The following RFX6 variants were observed in gnomAD, a reference collection of about 807,000 sequenced individuals.
RFX6 encodes the protein DNA-binding protein RFX6.
In RFX6, 50 loss-of-function variants were observed where a neutral mutation model predicts 110.8. That is an observed-to-expected ratio of 0.45 (90% confidence interval 0.36 to 0.57). RFX6 has a LOEUF of 0.57. Ranked by LOEUF, RFX6 falls within the 20% of genes least tolerant of loss-of-function variation. The probability of loss-of-function intolerance (pLI) is 0.00; values close to 1 mark genes in which losing one functional copy is unlikely to be tolerated. For missense variants in RFX6, 990 were observed against 1,127.0 expected (o/e 0.88, Z 1.74); for synonymous variants, 383 against 411.2 (o/e 0.93, Z 0.83).
chr6:116,880,727 T>A, intron 3 of RFX6, 60 bp downstream of exon 3: 1 of 1,563,836 alleles, frequency 6.4e-7, no homozygotes, highest in Non-Finnish European at 8.8e-7. Flanking sequence ...GCAGATAGCA[T>A]GAAAATGAAT....
At chr6:116,916,548 G>T (rs192665166) in intron 9 of RFX6, among the ~76,000 whole-genome samples, 74 of 151,984 alleles carry the variant, frequency 4.9e-4, no homozygotes, top group African/African-American at 1.7e-3. Flanking sequence ...CTAATAATGA[G>T]TCTATATGTG....
chr6:116,901,292 A>G (rs1431254976), intron 6 of RFX6, among the ~76,000 whole-genome samples: 2 of 152,188 alleles, frequency 1.3e-5, no homozygotes, highest in Non-Finnish European at 2.9e-5. Context: ...ACAGAGAATT[A>G]ATATCTATTA....
Position 116,931,610 on chromosome 6 carries a change from C to G in RFX6, c.*104C>G, listed in dbSNP as rs140455380. 2.4e-6 allele frequency: 2 copies of G among 834,130 alleles called. No homozygotes were observed. The highest frequency in any genetic ancestry group is 3.8e-6 in the Non-Finnish European group (2 of 521,492). The allele number at this position is 834,130 out of a possible 1,614,324, so 51.7% of individuals were successfully genotyped here. A position where few individuals can be genotyped will look rare whatever the true frequency, so the allele number is the denominator to read the frequency against. ...ATAAGAGTAAATAAAAATGAATATG[C>G]AGTGGCTGACATTGTTTTAAAGTCA... is the stretch of plus-strand genomic sequence containing the variant. On this transcript the variant is annotated 3_prime_UTR_variant, in exon 19 of 19. Transcript: ENST00000332958.
Position 116,927,032 on chromosome 6 carries a change from A to G in RFX6, c.1891A>G (p.Met631Val). The change falls in exon 17 of 19, where the codon ATG becomes GTG. Residue 631 changes from methionine to valine, a missense_variant. By Grantham distance (21) the Met-to-Val change is conservative. Around this residue, in one of 5 missense-constraint regions of RFX6, gnomAD observed 438 missense variants for 441.9 expected, o/e 0.99. Coordinates refer to ENST00000332958, the MANE Select transcript of RFX6 (RefSeq NM_173560.4). ...NTDNMPLTGQ[M>V]ELSQIAGHLM... is the part of the protein sequence containing the mutation. ...GTTCTGGTGATTTTTTCCAGGTCAA[A>G]TGGAGCTTTCACAGATTGCTGGTCA... The G allele has an allele frequency of 3.7e-6, 6 of 1,613,726 alleles. No homozygotes were observed. The highest frequency in any genetic ancestry group is 2.2e-5 in the East Asian group (1 of 44,886).
At chr6:116,925,072 C>CA (rs1316123699) in intron 15 of RFX6, among the ~76,000 whole-genome samples, 1 of 152,030 alleles carries the variant, frequency 6.6e-6, no homozygotes, top group African/African-American at 2.4e-5. Flanking sequence ...GACTATAATA[C>CA]AAAAAATAAC....
intron 4 of RFX6, among the ~76,000 whole-genome samples, chr6:116,883,877 T>C (rs1209571015): frequency 6.6e-6 from 1 of 152,204 alleles, no homozygotes; most frequent in Non-Finnish European, 1.5e-5. Context: ...CTTTTAAAGT[T>C]GAGATTCAAT....
At chr6:116,927,603 G>A in intron 17 of RFX6, 64 bp downstream of exon 17, 1 of 1,328,038 alleles carries the variant, frequency 7.5e-7, no homozygotes, top group East Asian at 2.3e-5. Context: ...ATCAGACATT[G>A]CGTTCCACCT....
At chr6:116,893,893 C>T in intron 4 of RFX6, 94 bp from the exon 5 acceptor site, 2 of 802,930 alleles carry the variant, frequency 2.5e-6, no homozygotes, top group Admixed American at 1.7e-5. Context: ...GTTTGCAGTT[C>T]TTATTCATGG....
chr6:116,925,788 A>C, intron 16 of RFX6, 129 bp downstream of exon 16: 1 of 697,556 alleles, frequency 1.4e-6, no homozygotes, highest in African/African-American at 1.8e-5. Flanking sequence ...ACTGAGTTTT[A>C]ATAAAGATTT....
intron 2 of RFX6, among the ~76,000 whole-genome samples, chr6:116,879,373 C>A (rs932494346): frequency 1.3e-5 from 2 of 151,804 alleles, no homozygotes; most frequent in Non-Finnish European, 3.0e-5. Context: ...AACTGAAAAT[C>A]AAAGTGAAAA....
chr6:116,895,505 A>G (rs1234634582), intron 6 of RFX6, among the ~76,000 whole-genome samples: 1 of 152,172 alleles, frequency 6.6e-6, no homozygotes, highest in Non-Finnish European at 1.5e-5. Flanking sequence ...AAAAGTTTCC[A>G]CTTAAATATA....
chr6:116,925,536 G>A lies in RFX6; in HGVS notation c.1762G>A (p.Ala588Thr), dbSNP rs201094474. 5.6e-6 allele frequency: 9 copies of A among 1,613,854 alleles called. No homozygotes were observed. Among genetic ancestry groups the A allele is most frequent in the Admixed American group, 3.3e-5 (2 of 59,996 alleles). Residue 588 changes from alanine (A) to threonine (T), a missense_variant, in exon 16 of 19, where the codon GCT (alanine) becomes ACT (threonine). Transcript: ENST00000332958. ...RNKGSMVSSD[A>T]VKNESHVETT... Reference sequence around the variant, plus strand: ...TAAAGGGAGCATGGTTTCCAGCGACGCTGTGAAGAATGAAAGCCACGTGGA... The same window carrying A: ...TAAAGGGAGCATGGTTTCCAGCGACACTGTGAAGAATGAAAGCCACGTGGA...
At chr6:116,919,545 A>G (rs769246100) in intron 11 of RFX6, among the ~76,000 whole-genome samples, 8 of 137,412 alleles carry the variant, frequency 5.8e-5, no homozygotes, top group Non-Finnish European at 1.2e-4. Flanking sequence ...GTAATATACA[A>G]TAGTTACAGA....
intron 7 of RFX6, among the ~76,000 whole-genome samples, chr6:116,913,553 A>G (rs1219883694): frequency 6.6e-6 from 1 of 152,224 alleles, no homozygotes; most frequent in Non-Finnish European, 1.5e-5. Context: ...TACAATGTCT[A>G]TTCTCAGAAA....
At chr6:116,926,007 A>T (rs1381639482) in intron 16 of RFX6, among the ~76,000 whole-genome samples, 2 of 152,072 alleles carry the variant, frequency 1.3e-5, no homozygotes, top group Non-Finnish European at 2.9e-5. Flanking sequence ...AGGAGACTTT[A>T]TTTCTCCTCC....
chr6:116,922,010 TTTTC>T (rs1775608741), intron 12 of RFX6, 28 bp from the exon 13 acceptor site: 3 of 1,026,102 alleles, frequency 2.9e-6, no homozygotes, highest in East Asian at 2.4e-5. Flanking sequence ...TTCTGTTTTC[TTTTC>T]TTTCTTTTTT....
At chr6:116,917,856 C>T (rs1775501384) in intron 9 of RFX6, among the ~76,000 whole-genome samples, 181 bp from the exon 10 acceptor site, 1 of 151,696 alleles carries the variant, frequency 6.6e-6, no homozygotes, top group African/African-American at 2.4e-5. Context: ...TTTTTATTGT[C>T]ATACACACTC....
At chr6:116,909,212 T>C (rs917498749) in intron 6 of RFX6, among the ~76,000 whole-genome samples, 1 of 152,034 alleles carries the variant, frequency 6.6e-6, no homozygotes, top group African/African-American at 2.4e-5. Flanking sequence ...ATTTTGGGAG[T>C]TTATATTTCT....
In RFX6 at chr6:116,914,960, A is replaced by G. The variant is rs61711271; in HGVS notation, c.781-1048A>G. On this transcript the variant is annotated intron_variant, in intron 7 of 18. Transcript: ENST00000332958. The stretch of plus-strand genomic sequence containing the variant: ...AATATCAAGTAGTGTGCCTAATGTT[A>G]CATAACTAGTAATAACTAGTAAGTG... Among the ~76,000 whole-genome samples the G allele has an allele frequency of 2.3e-3, 349 of 152,362 alleles. 1 individual carries two copies. Among genetic ancestry groups the G allele is most frequent in the African/African-American group, 8.2e-3 (343 of 41,594 alleles).
Sources: gnomAD v4.1 joint callset for allele counts (sites outside exome capture counted in the v4.1 genomes callset) on GRCh38, gnomAD v4.1.1 for gene constraint, gnomAD v4.1.1 regional missense constraint, MANE v1.5 for transcripts, NCBI Gene and HGNC (gene_info 2026-07-23, HGNC 2026-07-21) for gene names.